Variants in HDX observed in about 807,000 individuals in gnomAD.
HDX encodes chromosome X open reading frame 43.
In HDX, 19 loss-of-function variants were observed where a neutral mutation model predicts 45.2. The observed-to-expected ratio is 0.42, with a 90% CI of 0.29 to 0.62. The LOEUF is 0.62. Ranked by LOEUF, HDX falls within the 20% of genes least tolerant of loss-of-function variation. The pLI is 0.20. For synonymous variants in HDX, 188 were observed against 172.8 expected (o/e 1.09, Z -0.69); for missense variants, 532 against 493.9 (o/e 1.08, Z -0.73).
intron 6 of HDX, among the ~76,000 whole-genome samples, chrX:84,349,041 A>G (rs1036873692): frequency 9.0e-6 from 1 of 111,146 alleles, no homozygotes; most frequent in Non-Finnish European, 1.9e-5. Flanking sequence ...ATGATTGTAC[A>G]CCCTGGAATT....
intron 4 of HDX, among the ~76,000 whole-genome samples, chrX:84,466,059 A>G (rs1007213959): frequency 2.7e-5 from 3 of 112,196 alleles, no homozygotes; most frequent in African/African-American, 9.7e-5. Flanking sequence ...GATATAGTAT[A>G]ACAATGGGCT....
chrX:84,437,685 A>G (rs1434107995), intron 5 of HDX, among the ~76,000 whole-genome samples: 5 of 110,841 alleles, frequency 4.5e-5, no homozygotes. Flanking sequence ...TGCCCAACAA[A>G]CTAGTGTCCT....
chrX:84,496,295 T>A (rs10218146), intron 1 of HDX, among the ~76,000 whole-genome samples: 1 of 111,921 alleles, frequency 8.9e-6, no homozygotes, highest in Non-Finnish European at 1.9e-5. Context: ...TTTGTTTCTA[T>A]GACCACCAGC....
At chrX:84,349,556 T>C (rs1257531478) in intron 6 of HDX, among the ~76,000 whole-genome samples, 2 of 89,982 alleles carry the variant, frequency 2.2e-5, no homozygotes, top group Admixed American at 1.3e-4. Context: ...TACATAAGCA[T>C]ATAGATGTAT....
intron 5 of HDX, among the ~76,000 whole-genome samples, chrX:84,406,499 C>CAT (rs1233799859): frequency 1.6e-5 from 1 of 62,960 alleles, no homozygotes; most frequent in Non-Finnish European, 3.1e-5. Context: ...CACACACACA[C>CAT]ATACACACAC....
rs1205287111 is a variant in HDX, at chrX:84,435,658, A to T, written c.1305+4874T>A. On this transcript the variant is annotated intron_variant, in intron 5 of 10. Coordinates refer to ENST00000373177, the MANE Select transcript of HDX (RefSeq NM_001177479.2). Reference sequence around the variant, plus strand: ...GCCCACGCCTATGTCCTGAATGGTAATGCCTAGGTTTTCTTCTAGGGTTTT... The same window carrying T: ...GCCCACGCCTATGTCCTGAATGGTATTGCCTAGGTTTTCTTCTAGGGTTTT... Among the ~76,000 whole-genome samples the T allele has an allele frequency of 4.7e-5, 5 of 105,369 alleles. No individual in the cohort carries two copies. The East Asian group carries it at 1.5e-3, about 32-fold the overall frequency. 91.5% of individuals were successfully genotyped at this position (105,369 alleles called of 115,157 possible). A position where few individuals can be genotyped will look rare whatever the true frequency, so the allele number is the denominator to read the frequency against.
chrX:84,385,368 T>C (rs372052806), intron 5 of HDX, among the ~76,000 whole-genome samples: 8 of 104,188 alleles, frequency 7.7e-5, no homozygotes, highest in South Asian at 9.0e-4. Context: ...CGCCCGCCAC[T>C]ACGCCCGGCT....
chrX:84,421,659 G>A (rs777562351), intron 5 of HDX, among the ~76,000 whole-genome samples: 3 of 107,202 alleles, frequency 2.8e-5, no homozygotes, highest in African/African-American at 1.0e-4. Context: ...CCATTGATCT[G>A]TTGCTTACGA....
intron 5 of HDX, among the ~76,000 whole-genome samples, chrX:84,434,980 G>T (rs994695453): frequency 7.3e-5 from 8 of 109,756 alleles, no homozygotes; most frequent in Admixed American, 5.9e-4. Flanking sequence ...TAGTTTTAAT[G>T]ATCCTTTTTA....
intron 5 of HDX, among the ~76,000 whole-genome samples, chrX:84,413,978 G>T (rs1414430886): frequency 1.8e-5 from 2 of 111,631 alleles, no homozygotes; most frequent in Admixed American, 9.5e-5. Flanking sequence ...TTAGGGTATA[G>T]ATAGAACTGA....
At chrX:84,372,258 G>A (rs1283728099) in intron 5 of HDX, among the ~76,000 whole-genome samples, 1 of 111,654 alleles carries the variant, frequency 9.0e-6, no homozygotes, top group Non-Finnish European at 1.9e-5. Flanking sequence ...AGAAAGTGCT[G>A]TTACATTTTA....
intron 5 of HDX, among the ~76,000 whole-genome samples, chrX:84,375,751 G>T (rs1179536808): frequency 9.2e-6 from 1 of 108,643 alleles, no homozygotes; most frequent in Non-Finnish European, 1.9e-5. Flanking sequence ...TTGTGGGGTG[G>T]GGGGAGTGGG....
Position 84,329,283 on chromosome X carries a change from T to C in HDX, c.1825-2983A>G, listed in dbSNP as rs192092922. ...TTTTTCAGGTTAACTTTGAAATGCC[T>C]TTGGCCAAGAGGGGGGGTTCATTCA... On this transcript the variant is annotated intron_variant, in intron 9 of 10. Transcript: ENST00000373177. Among the ~76,000 whole-genome samples the C allele has an allele frequency of 2.6e-3, 294 of 111,855 alleles. 2 individuals carry two copies. Among genetic ancestry groups the C allele is most frequent in the African/African-American group, 9.2e-3 (284 of 30,824 alleles).
intron 6 of HDX, among the ~76,000 whole-genome samples, chrX:84,345,371 T>C (rs970835951): frequency 9.0e-6 from 1 of 111,675 alleles, no homozygotes; most frequent in Admixed American, 9.5e-5. Context: ...AAGAATATTA[T>C]ATAAATGGAA....
chrX:84,499,380 A>G (rs776515991), intron 1 of HDX, among the ~76,000 whole-genome samples: 19 of 111,776 alleles, frequency 1.7e-4, no homozygotes, highest in Admixed American at 6.7e-4. Flanking sequence ...TGGGCTCTCT[A>G]AACTTAACAG....
At chrX:84,436,036 C>T (rs2039622528) in intron 5 of HDX, among the ~76,000 whole-genome samples, 1 of 88,369 alleles carries the variant, frequency 1.1e-5, no homozygotes, top group Non-Finnish European at 2.2e-5. Flanking sequence ...CCCAAATGTC[C>T]AACAATGATA....
intron 5 of HDX, among the ~76,000 whole-genome samples, chrX:84,370,709 C>G (rs2037872203): frequency 8.9e-6 from 1 of 112,179 alleles, no homozygotes; most frequent in African/African-American, 3.2e-5. Flanking sequence ...GTGTCAATCA[C>G]AATGCTCTGC....
intron 5 of HDX, among the ~76,000 whole-genome samples, chrX:84,366,121 C>A (rs1007256834): frequency 8.9e-6 from 1 of 111,842 alleles, no homozygotes; most frequent in East Asian, 2.8e-4. Context: ...AGCTGATAAG[C>A]AACTTCAGCA....
chrX:84,430,015 A>C (rs1489514937), intron 5 of HDX, among the ~76,000 whole-genome samples: 3 of 101,629 alleles, frequency 3.0e-5, no homozygotes, highest in Non-Finnish European at 6.2e-5. Flanking sequence ...TTTATCACTT[A>C]TTTGTTTTGG....
Sources: allele counts gnomAD v4.1 joint callset (sites outside exome capture counted in the v4.1 genomes callset), GRCh38; gene constraint gnomAD v4.1.1; transcripts MANE v1.5; gene names NCBI Gene and HGNC (gene_info 2026-07-23, HGNC 2026-07-21).